The following BPHL variants were observed in gnomAD, a reference collection of about 807,000 sequenced individuals.
BPHL encodes biphenyl hydrolase like.
A neutral mutation model predicts 31.2 loss-of-function variants in BPHL; 27 were observed. The observed-to-expected ratio is 0.87, with a 90% CI of 0.64 to 1.19. The LOEUF (loss-of-function observed/expected upper bound fraction) is 1.19, where lower values mean the gene tolerates loss of function less well. Ranked by LOEUF, BPHL falls within the 50% of genes most tolerant of loss-of-function variation. BPHL has a pLI of 0.00. For missense variants in BPHL, 356 were observed against 375.7 expected, an observed-to-expected ratio of 0.95 and a Z score of 0.43; for synonymous variants, 150 against 146.8, an observed-to-expected ratio of 1.02 and a Z score of -0.16.
At chr6:3,143,158 C>T (rs1762225895) in intron 6 of BPHL, among the ~76,000 whole-genome samples, 1 of 152,180 alleles carries the variant, frequency 6.6e-6, no homozygotes, top group Non-Finnish European at 1.5e-5. Flanking sequence ...GCAGAGGTTG[C>T]AGCGAGCCAA....
At chr6:3,141,954 C>CA (rs1209396298) in intron 6 of BPHL, among the ~76,000 whole-genome samples, 3 of 151,826 alleles carry the variant, frequency 2.0e-5, no homozygotes, top group African/African-American at 7.3e-5. Context: ...AGCTGGGTGA[C>CA]AGAGTGAGAC....
intron 6 of BPHL, among the ~76,000 whole-genome samples, chr6:3,147,131 T>C (rs1187460519): frequency 6.6e-6 from 1 of 152,078 alleles, no homozygotes; most frequent in Admixed American, 6.6e-5. Flanking sequence ...TATGGTGGTA[T>C]GCACCTGTAG....
At chr6:3,151,221 C>T (rs1253463816) in intron 6 of BPHL, among the ~76,000 whole-genome samples, 1 of 152,152 alleles carries the variant, frequency 6.6e-6, no homozygotes, top group African/African-American at 2.4e-5. Flanking sequence ...GCAATTCGTT[C>T]TTTCCTGTTT....
intron 6 of BPHL, among the ~76,000 whole-genome samples, chr6:3,143,531 T>G (rs6933330): frequency 0.75 from 114,831 of 152,198 alleles, 44,456 homozygotes; most frequent in African/African-American, 0.9. Context: ...AAGCCCTTCC[T>G]CTAACAAGCA....
At chr6:3,135,322 C>T (rs1420791443) in intron 4 of BPHL, among the ~76,000 whole-genome samples, 2 of 152,220 alleles carry the variant, frequency 1.3e-5, no homozygotes, top group Admixed American at 6.5e-5. Context: ...TTGTCTCCCC[C>T]ATTCTGCAGT....
At chr6:3,148,137 T>A (rs907217126) in intron 6 of BPHL, among the ~76,000 whole-genome samples, 2 of 152,202 alleles carry the variant, frequency 1.3e-5, no homozygotes, top group African/African-American at 4.8e-5. Flanking sequence ...AAGTGTACAG[T>A]CACAGGGTGA....
intron 3 of BPHL, 139 bp from the exon 4 acceptor site, chr6:3,128,906 G>T: frequency 7.9e-7 from 1 of 1,267,186 alleles, no homozygotes. Context: ...TCATCAAATG[G>T]TGGACTCTAG....
chr6:3,122,439 G>A (rs1761602822), intron 1 of BPHL, among the ~76,000 whole-genome samples: 1 of 152,220 alleles, frequency 6.6e-6, no homozygotes, highest in Admixed American at 6.5e-5. Flanking sequence ...GATAAGCTGT[G>A]GGAAGGCTGA....
Position 3,137,501 on chromosome 6 carries a change from A to T in BPHL, c.664+8A>T, listed in dbSNP as rs757427701. On this transcript the variant is annotated splice_region_variant and intron_variant, in intron 5 of 6. Coordinates refer to ENST00000380379, the MANE Select transcript of BPHL (RefSeq NM_004332.4). ...TTAAACATCTCCCAGATGGTAGGTT[A>T]CTGGGCTTGAAGGGCTCTCTGCCTG... The T allele has an allele frequency of 1.9e-6, 3 of 1,613,720 alleles. No homozygotes were observed. In the East Asian group the frequency reaches 6.7e-5, roughly 36 times the overall value.
intron 1 of BPHL, among the ~76,000 whole-genome samples, chr6:3,119,723 A>C (rs1009287003): frequency 6.6e-6 from 1 of 152,218 alleles, no homozygotes; most frequent in Non-Finnish European, 1.5e-5. Context: ...TTGATGGGCT[A>C]CTTTCATAAA....
At chr6:3,118,472 C>T (rs1761449632), upstream of BPHL, 1 of 326,936 alleles carries the variant, frequency 3.1e-6, no homozygotes, top group South Asian at 1.6e-4. Flanking sequence ...GACGGGGACA[C>T]TCATCCCGGG....
chr6:3,119,465 G>A, intron 1 of BPHL: 1 of 1,613,824 alleles, frequency 6.2e-7, no homozygotes, highest in Non-Finnish European at 8.5e-7. Context: ...AGATGCCCAG[G>A]AATCTGCTTT....
In BPHL at chr6:3,118,789, C is replaced by T. The variant is rs1436803771; in HGVS notation, c.49C>T (p.Leu17Phe). 2.4e-6 allele frequency: 3 copies of T among 1,248,758 alleles called. No homozygotes were observed. The highest frequency in any genetic ancestry group is 3.0e-6 in the Non-Finnish European group (3 of 992,902). 77.4% of individuals were successfully genotyped at this position (1,248,758 alleles called of 1,614,324 possible). Residue 17 changes from leucine to phenylalanine, a missense_variant, in exon 1 of 7, where the codon CTC becomes TTC. Leu to Phe is a conservative substitution (Grantham distance 22). Transcript: ENST00000380379. Reference sequence around the variant, plus strand: ...GGGCGTGTTGCGCCTGCGGCTGCTTCTCTCAGCGCTGAAGCCCGGGATCCA... The same window carrying T: ...GGGCGTGTTGCGCCTGCGGCTGCTTTTCTCAGCGCTGAAGCCCGGGATCCA... ...GRGVLRLRLL[L>F]SALKPGIHVP...
chr6:3,131,517 G>C (rs552887176), intron 4 of BPHL, among the ~76,000 whole-genome samples: 1 of 152,068 alleles, frequency 6.6e-6, no homozygotes, highest in South Asian at 2.1e-4. Flanking sequence ...GGTTTAGGCC[G>C]CTAGCTTCAT....
chr6:3,119,191 G>T (rs1561785941), intron 1 of BPHL: 1 of 1,200,200 alleles, frequency 8.3e-7, no homozygotes, highest in Non-Finnish European at 1.2e-6. Context: ...ACGGAGCACG[G>T]ACTAGAATCC....
chr6:3,148,006 C>T (rs1332141503), intron 6 of BPHL, among the ~76,000 whole-genome samples: 1 of 152,252 alleles, frequency 6.6e-6, no homozygotes, highest in Non-Finnish European at 1.5e-5. Flanking sequence ...GGGAGGGCCT[C>T]TGCCTTTATT....
chr6:3,133,311 C>T (rs1190887604), intron 4 of BPHL, among the ~76,000 whole-genome samples: 3 of 152,180 alleles, frequency 2.0e-5, no homozygotes, highest in African/African-American at 7.2e-5. Context: ...CCGCCAGCCT[C>T]GTTGGTCCCG....
At chr6:3,123,884 C>A in intron 2 of BPHL, 124 bp downstream of exon 2, 1 of 790,790 alleles carries the variant, frequency 1.3e-6, no homozygotes, top group Non-Finnish European at 1.9e-6. Context: ...ATATTTGCTA[C>A]AATCAAACTT....
chr6:3,119,336 G>C, intron 1 of BPHL: 1 of 1,554,988 alleles, frequency 6.4e-7, no homozygotes, highest in Non-Finnish European at 8.7e-7. Context: ...GGTCCCGAGA[G>C]CCCTAAGTCT....
Sources: gnomAD v4.1 joint callset for allele counts (sites outside exome capture counted in the v4.1 genomes callset) on GRCh38, gnomAD v4.1.1 for gene constraint, MANE v1.5 for transcripts, NCBI Gene and HGNC (gene_info 2026-07-23, HGNC 2026-07-21) for gene names.